The following GREB1 variants were observed in gnomAD, a reference collection of about 807,000 sequenced individuals.
The protein encoded by GREB1 is protein GREB1.
GREB1 carries 106 observed loss-of-function variants against 200.7 expected under a neutral mutation model. The observed-to-expected ratio is 0.53, with a 90% CI of 0.45 to 0.62. The LOEUF (loss-of-function observed/expected upper bound fraction) is 0.62. Ranked by LOEUF, GREB1 falls within the 20% of genes least tolerant of loss-of-function variation. The pLI is 0.00. For synonymous variants in GREB1, 1,132 were observed against 1,092.4 expected, an observed-to-expected ratio of 1.04 and a Z score of -0.72; for missense variants, 2,243 against 2,556.8, an observed-to-expected ratio of 0.88 and a Z score of 2.65.
intron 1 of GREB1, among the ~76,000 whole-genome samples, chr2:11,540,957 T>C (rs1474781451): frequency 6.6e-6 from 1 of 152,248 alleles, no homozygotes; most frequent in African/African-American, 2.4e-5. Flanking sequence ...TCTCAAACTT[T>C]GGACTCACCA....
chr2:11,596,035 G>A lies in GREB1; in HGVS notation c.1826-76G>A, dbSNP rs1056202783. On this transcript the variant is annotated intron_variant, in intron 12 of 32. Coordinates refer to ENST00000381486, the MANE Select transcript of GREB1 (RefSeq NM_014668.4). ...GACTCCAGGCCTCGGGACAGTACCT[G>A]ACACTAACTGCGCTGTAGATGTTTG... 4 of 1,438,984 alleles carry A rather than the reference G, an allele frequency of 2.8e-6. No individual in the cohort carries two copies. In the African/African-American group the frequency reaches 4.2e-5, roughly 15 times the overall value. The allele number at this position is 1,438,984 out of a possible 1,614,324, so 89.1% of individuals were successfully genotyped here.
At chr2:11,537,182 TTGAACTCC>T (rs1199194702) in intron 1 of GREB1, among the ~76,000 whole-genome samples, 1 of 152,128 alleles carries the variant, frequency 6.6e-6, no homozygotes, top group African/African-American at 2.4e-5. Flanking sequence ...TAGGCTGGGA[TTGAACTCC>T]TGACCACAGG....
intron 1 of GREB1, among the ~76,000 whole-genome samples, chr2:11,545,517 T>A (rs982742177): frequency 2.0e-5 from 3 of 152,096 alleles, no homozygotes; most frequent in Non-Finnish European, 2.9e-5. Flanking sequence ...AACCCAAAGT[T>A]TGGAGCATGG....
At chr2:11,491,440 A>G (rs977179048) in intron 1 of GREB1, among the ~76,000 whole-genome samples, 3 of 152,258 alleles carry the variant, frequency 2.0e-5, no homozygotes, top group African/African-American at 4.8e-5. Context: ...CTAAATCACT[A>G]AAAAGCTTAC....
intron 15 of GREB1, 32 bp downstream of exon 15, chr2:11,598,892 A>G: frequency 6.3e-7 from 1 of 1,577,936 alleles, no homozygotes; most frequent in Non-Finnish European, 8.7e-7. Flanking sequence ...ACAAGTTGAC[A>G]TTTTCCTTCT....
At chr2:11,562,069 G>C (rs780340821) in intron 2 of GREB1, among the ~76,000 whole-genome samples, 4 of 152,224 alleles carry the variant, frequency 2.6e-5, no homozygotes, top group Non-Finnish European at 5.9e-5. Flanking sequence ...ATTGCGCTCA[G>C]TCCTTATCAA....
chr2:11,624,935 G>A (rs1684318210), intron 23 of GREB1, among the ~76,000 whole-genome samples: 1 of 152,182 alleles, frequency 6.6e-6, no homozygotes, highest in South Asian at 2.1e-4. Context: ...CGTGCTCACA[G>A]GTTAGTAGCC....
chr2:11,588,254 T>A, intron 9 of GREB1: 1 of 1,021,612 alleles, frequency 9.8e-7, no homozygotes. Flanking sequence ...TGACTCAGTC[T>A]TCTGGTCTCT....
At chr2:11,501,418 G>C (rs1376303377) in intron 1 of GREB1, among the ~76,000 whole-genome samples, 1 of 152,090 alleles carries the variant, frequency 6.6e-6, no homozygotes, top group Non-Finnish European at 1.5e-5. Flanking sequence ...TTTTGAGATG[G>C]AATCTCTCTC....
chr2:11,575,077 G>C (rs1678703269), intron 4 of GREB1, among the ~76,000 whole-genome samples: 1 of 152,192 alleles, frequency 6.6e-6, no homozygotes, highest in African/African-American at 2.4e-5. Flanking sequence ...TCACTAACTG[G>C]AGTTATTCTG....
chr2:11,530,300 G>A (rs188342889), upstream of GREB1, among the ~76,000 whole-genome samples: 1,784 of 151,878 alleles, frequency 0.012, 19 homozygotes, highest in Middle Eastern at 0.031. Flanking sequence ...GGCCTCAAGT[G>A]ATCCACCCAC....
intron 18 of GREB1, among the ~76,000 whole-genome samples, chr2:11,611,374 G>A (rs563858886): frequency 8.1e-4 from 123 of 152,280 alleles, no homozygotes; most frequent in African/African-American, 2.7e-3. Flanking sequence ...GTGCGGTGGC[G>A]TGATCACAGC....
intron 1 of GREB1, among the ~76,000 whole-genome samples, chr2:11,538,648 T>C (rs1195544899): frequency 3.6e-3 from 82 of 22,954 alleles, no homozygotes; most frequent in Non-Finnish European, 9.0e-3. Context: ...TTTCTTTCTT[T>C]CTTTCTTTCT....
intron 1 of GREB1, among the ~76,000 whole-genome samples, chr2:11,515,133 T>TCCATCCCC (rs571930870): frequency 1.4e-5 from 2 of 144,350 alleles, no homozygotes; most frequent in African/African-American, 5.3e-5. Context: ...CATCCATCCA[T>TCCATCCCC]CCACCCACCC....
chr2:11,638,886 G>C (rs1685594076), intron 32 of GREB1, 77 bp downstream of exon 32: 1 of 1,461,764 alleles, frequency 6.8e-7, no homozygotes, highest in Non-Finnish European at 9.4e-7. Context: ...GGGGACCTTT[G>C]GTCCTAGTCC....
In GREB1 at chr2:11,492,803, G is replaced by GTCT. The variant is rs1409029787; in HGVS notation, c.-159+10422_-159+10423insTCT. Among the ~76,000 whole-genome samples, 1 of 152,226 alleles carries GTCT rather than the reference G, an allele frequency of 6.6e-6. No homozygotes were observed. The highest frequency in any genetic ancestry group is 2.4e-5 in the African/African-American group (1 of 41,464). On this transcript the variant is annotated intron_variant, in intron 1 of 2. Transcript: ENST00000628795. The surrounding 1 kb of genome is among the most constrained non-coding windows in gnomAD (Gnocchi z 4.0). ...GAAGGTGACCCCTAGTGCCTGTGGGGCCAGCAAGAGTCTCCAAGGCAGTTG... is the reference window on the plus strand; with the variant it reads ...GAAGGTGACCCCTAGTGCCTGTGGGGTCTCCAGCAAGAGTCTCCAAGGCAGTTG...
intron 1 of GREB1, among the ~76,000 whole-genome samples, chr2:11,544,423 A>G (rs576341281): frequency 1.3e-5 from 2 of 152,146 alleles, no homozygotes; most frequent in Middle Eastern, 6.8e-3. Flanking sequence ...TCACCGTGCT[A>G]GCCAGGATGG....
rs770609749 is a variant in GREB1 at position 11,618,532 on chromosome 2, C to T, written c.3657C>T (p.Cys1219=). 2.3e-5 allele frequency: 37 copies of T among 1,612,420 alleles called. No individual in the cohort carries two copies. In the Admixed American group the frequency reaches 5.7e-4, roughly 25 times the overall value. ...TCCAGGTGTCGGTCACCTCGTCGTG[C>T]TCCCAGCTGTCCTCCTCCTCGGGCT... ...RSVQVSVTSS[C]SQLSSSSGSS... is the part of the protein sequence containing the mutation. Residue 1219 remains cysteine, a synonymous_variant, in exon 22 of 33, where the codon TGC becomes TGT. Transcript: ENST00000381486.
rs755681510 is a variant in GREB1, at chr2:11,580,987, G to A, written c.901+155G>A. ...GGCCAGGACCACAGGTGCCTCCTGA[G>A]TCCGTGGGTCTGGGCCCAGGCCCTG... On this transcript the variant is annotated intron_variant, in intron 7 of 32. Transcript: ENST00000381486. This position sits in a 1 kb window ranked among gnomAD's most constrained non-coding sequence, Gnocchi z 4.5. 1.4e-5 allele frequency: 13 copies of A among 903,004 alleles called. No homozygotes were observed. The South Asian group carries it at 1.8e-4, about 13-fold the overall frequency. 55.9% of individuals were successfully genotyped at this position (903,004 alleles called of 1,614,324 possible). A position where few individuals can be genotyped will look rare whatever the true frequency, so the allele number is the denominator to read the frequency against.
Sources: gnomAD v4.1 joint callset for allele counts (sites outside exome capture counted in the v4.1 genomes callset) on GRCh38, gnomAD v4.1.1 for gene constraint, Gnocchi (gnomAD v3.1) non-coding constraint, MANE v1.5 for transcripts, NCBI Gene and HGNC (gene_info 2026-07-23, HGNC 2026-07-21) for gene names.